PRDM6: variants seen among roughly 807,000 people sequenced by gnomAD.
PRDM6 encodes PR/SET domain 6, also known as putative histone-lysine N-methyltransferase PRDM6.
A neutral mutation model predicts 60.8 loss-of-function variants in PRDM6; 25 were observed. The observed-to-expected ratio is 0.41, with a 90% confidence interval of 0.30 to 0.57. The LOEUF is 0.57. Among genes scored for constraint, PRDM6 ranks in the 20% least tolerant of loss-of-function variants. PRDM6 has a pLI of 0.27. For missense variants in PRDM6, 839 were observed against 821.3 expected (o/e 1.02, Z -0.26); for synonymous variants, 407 against 357.4 (o/e 1.14, Z -1.57).
Position 123,099,420 on chromosome 5 carries a change from G to A in PRDM6, c.593-234G>A, listed in dbSNP as rs1016742061. On this transcript the variant is annotated intron_variant, in intron 2 of 7. Transcript: ENST00000407847. The surrounding 1 kb of genome is among the most constrained non-coding windows in gnomAD (Gnocchi z 4.0). ...CCGAAGGCTTTTTGGGGAGCCTAGA[G>A]TCCTGGCCCGGTACCAGGCAGATCT... Among the ~76,000 whole-genome samples the A allele has an allele frequency of 6.6e-6, 1 of 152,206 alleles. No homozygotes were observed. The highest frequency in any genetic ancestry group is 2.4e-5 in the African/African-American group (1 of 41,460).
intron 3 of PRDM6, among the ~76,000 whole-genome samples, chr5:123,133,200 T>C (rs534580258): frequency 2.1e-4 from 32 of 152,256 alleles, no homozygotes; most frequent in Admixed American, 2.6e-4. Flanking sequence ...TCTGTCATAA[T>C]CTCCTTTTCC....
intron 7 of PRDM6, among the ~76,000 whole-genome samples, chr5:123,181,983 C>T (rs1042249316): frequency 2.6e-5 from 4 of 152,206 alleles, no homozygotes; most frequent in Non-Finnish European, 5.9e-5. Context: ...TGTTAATAAT[C>T]AAAATAGTGA....
chr5:123,136,825 C>G (rs1014025103), intron 3 of PRDM6, among the ~76,000 whole-genome samples: 1 of 147,686 alleles, frequency 6.8e-6, no homozygotes, highest in Non-Finnish European at 1.5e-5. Context: ...TCTGTCTCAC[C>G]CACTGCTCTC....
intron 3 of PRDM6, among the ~76,000 whole-genome samples, chr5:123,140,304 A>G (rs1437374228): frequency 6.6e-6 from 1 of 152,072 alleles, no homozygotes; most frequent in African/African-American, 2.4e-5. Flanking sequence ...AAAAAGTTCA[A>G]AATGACATGA....
At chr5:123,094,461 G>C (rs143279733) in intron 2 of PRDM6, among the ~76,000 whole-genome samples, 4,807 of 120,812 alleles carry the variant, frequency 0.04, 104 homozygotes, top group Middle Eastern at 0.12. Flanking sequence ...TCTCTCTCGC[G>C]TGTGTGCAAG....
rs1766355972 is a variant in PRDM6, at chr5:123,189,212, AG to A, written c.*2012del. ...TCACTGGGAAGTGTGAATGAAATGTAGCCATATTAACCTGAAACCTGCAAGA... is the reference window on the plus strand; with the variant it reads ...TCACTGGGAAGTGTGAATGAAATGTACCATATTAACCTGAAACCTGCAAGA... On this transcript the variant is annotated 3_prime_UTR_variant, in exon 8 of 8. Coordinates refer to ENST00000407847, the MANE Select transcript of PRDM6 (RefSeq NM_001136239.4). 1 of 152,236 alleles carries A rather than the reference AG, an allele frequency of 6.6e-6. No individual in the cohort carries two copies. Among genetic ancestry groups the A allele is most frequent in the East Asian group, 1.9e-4 (1 of 5,208 alleles). The allele number at this position is 152,236 out of a possible 1,614,324, so 9.4% of individuals were successfully genotyped here.
At chr5:123,097,327 A>G (rs1763980667) in intron 2 of PRDM6, among the ~76,000 whole-genome samples, 2 of 152,224 alleles carry the variant, frequency 1.3e-5, no homozygotes, top group South Asian at 2.1e-4. Flanking sequence ...AAATATTTCA[A>G]TTCAATTGAG....
chr5:123,174,236 G>C (rs1765956843), intron 6 of PRDM6, among the ~76,000 whole-genome samples: 1 of 152,130 alleles, frequency 6.6e-6, no homozygotes. Context: ...GAGCATTTTG[G>C]ATTTTCATAT....
intron 3 of PRDM6, among the ~76,000 whole-genome samples, chr5:123,103,905 A>AT (rs1299007624): frequency 6.6e-6 from 1 of 152,132 alleles, no homozygotes; most frequent in Non-Finnish European, 1.5e-5. Flanking sequence ...TATCCTGCTA[A>AT]TTGAAATAAT....
At chr5:123,120,834 A>G (rs980198860) in intron 3 of PRDM6, among the ~76,000 whole-genome samples, 7 of 152,210 alleles carry the variant, frequency 4.6e-5, no homozygotes, top group African/African-American at 1.7e-4. Context: ...TCATTATTTT[A>G]GTGAGCATAT....
chr5:123,110,170 A>T lies in PRDM6; in HGVS notation c.900+10209A>T, dbSNP rs117934297. On this transcript the variant is annotated intron_variant, in intron 3 of 7. Coordinates refer to ENST00000407847, the MANE Select transcript of PRDM6 (RefSeq NM_001136239.4). ...GACACTCTGCAGTTAGAAATTTTAG[A>T]TGAAAAAATAAACATAATTGCCAAA... is the stretch of plus-strand genomic sequence containing the variant. Among the ~76,000 whole-genome samples, 19 of 152,328 alleles carry T rather than the reference A, an allele frequency of 1.2e-4. 1 individual carries two copies. The East Asian group carries it at 3.7e-3, about 29-fold the overall frequency.
At chr5:123,157,697 A>G (rs1487211326) in intron 4 of PRDM6, among the ~76,000 whole-genome samples, 2 of 152,242 alleles carry the variant, frequency 1.3e-5, no homozygotes, top group Non-Finnish European at 2.9e-5. Context: ...CTGAAGAGCC[A>G]GGCTAATTTT....
intron 3 of PRDM6, among the ~76,000 whole-genome samples, chr5:123,144,193 G>A (rs1765185038): frequency 6.6e-6 from 1 of 152,166 alleles, no homozygotes; most frequent in South Asian, 2.1e-4. Context: ...CCTCCTCAGG[G>A]AGCCTGTGCT....
rs1156671089 is a variant in PRDM6 at position 123,170,925 on chromosome 5, C to G, written c.1313C>G (p.Pro438Arg). Residue 438 changes from proline to arginine, a missense_variant, in exon 6 of 8, where the codon CCC becomes CGC. Physicochemically the swap from Pro to Arg is moderately radical, Grantham distance 103. Transcript: ENST00000407847. Reference protein sequence around the residue: ...RNFSLLDKSGPIESGFNQINV... With the variant: ...RNFSLLDKSGRIESGFNQINV... The stretch of plus-strand genomic sequence containing the variant: ...TTCTCTCTTCTGGATAAGTCTGGGC[C>G]CATTGAATCAGGATTTAATCAAATC... 1 of 1,552,062 alleles carries G rather than the reference C, an allele frequency of 6.4e-7. No homozygotes were observed. Among genetic ancestry groups the G allele is most frequent in the East Asian group, 2.4e-5 (1 of 40,920 alleles).
chr5:123,138,114 C>T (rs1340838674), intron 3 of PRDM6, among the ~76,000 whole-genome samples: 1 of 152,136 alleles, frequency 6.6e-6, no homozygotes, highest in Non-Finnish European at 1.5e-5. Context: ...TTCTGTTTCA[C>T]TCATGATTTC....
chr5:123,138,972 C>T (rs1354231917), intron 3 of PRDM6, among the ~76,000 whole-genome samples: 1 of 152,144 alleles, frequency 6.6e-6, no homozygotes, highest in Non-Finnish European at 1.5e-5. Flanking sequence ...GGGGGTGGTT[C>T]CCCCATGCTG....
chr5:123,133,096 A>G (rs1764871029), intron 3 of PRDM6, among the ~76,000 whole-genome samples: 1 of 152,144 alleles, frequency 6.6e-6, no homozygotes, highest in Non-Finnish European at 1.5e-5. Flanking sequence ...TTTGGAAAGA[A>G]GATATAAAGT....
chr5:123,112,250 A>G (rs762946195), intron 3 of PRDM6, among the ~76,000 whole-genome samples: 1 of 152,184 alleles, frequency 6.6e-6, no homozygotes, highest in African/African-American at 2.4e-5. Flanking sequence ...GACCACCTGC[A>G]GCACACCTTA....
Position 123,156,923 on chromosome 5 carries a change from A to G in PRDM6, c.1028+912A>G, listed in dbSNP as rs185343142. Among the ~76,000 whole-genome samples the G allele has an allele frequency of 3.5e-3, 532 of 152,258 alleles. 3 individuals carry two copies. The highest frequency in any genetic ancestry group is 0.017 in the South Asian group (84 of 4,814). The stretch of plus-strand genomic sequence containing the variant: ...AAAACGTGTGCTATATAAATATATG[A>G]CCTCAGTTATAAACAGCCGTGTTCT... On this transcript the variant is annotated intron_variant, in intron 4 of 7. Transcript: ENST00000407847.
Sources: gnomAD v4.1 joint callset for allele counts (sites outside exome capture counted in the v4.1 genomes callset) on GRCh38, gnomAD v4.1.1 for gene constraint, Gnocchi (gnomAD v3.1) non-coding constraint, MANE v1.5 for transcripts, NCBI Gene and HGNC (gene_info 2026-07-23, HGNC 2026-07-21) for gene names.